EPHA8: variants seen among roughly 807,000 people sequenced by gnomAD.
EPHA8 encodes the protein EPH receptor A8.
In EPHA8, 58 loss-of-function variants were observed where a neutral mutation model predicts 103.6. That is an observed-to-expected ratio of 0.56 (90% CI 0.45 to 0.70). EPHA8 has a LOEUF of 0.70. EPHA8 is among the 30% of genes least tolerant of loss of function. The probability of loss-of-function intolerance (pLI) is 0.00; values close to 1 mark genes in which losing one functional copy is unlikely to be tolerated. For missense variants in EPHA8, 1,304 were observed against 1,395.2 expected, an observed-to-expected ratio of 0.93 and a Z score of 1.04; for synonymous variants, 559 against 572.5, an observed-to-expected ratio of 0.98 and a Z score of 0.34.
rs751791909 is a variant in EPHA8, at chr1:22,589,249, C to T, written c.1315+43C>T. The T allele has an allele frequency of 6.2e-7, 1 of 1,614,088 alleles. No individual in the cohort carries two copies. The highest frequency in any genetic ancestry group is 8.5e-7 in the Non-Finnish European group (1 of 1,180,034). ...GTCCCGCAGCGTCCTGGTCCCCCAG[C>T]TTCCCCTGCCTCAGACCCATCCAGG... On this transcript the variant is annotated intron_variant, in intron 5 of 16. Transcript: ENST00000166244. This position sits in a 1 kb window ranked among gnomAD's most constrained non-coding sequence, Gnocchi z 4.3.
At chr1:22,564,511 G>A (rs948220679) in intron 1 of EPHA8, among the ~76,000 whole-genome samples, 6 of 151,998 alleles carry the variant, frequency 3.9e-5, no homozygotes, top group African/African-American at 1.5e-4. Flanking sequence ...AGAAGGCTGG[G>A]ATGGCAGGGT....
intron 7 of EPHA8, 116 bp downstream of exon 7, chr1:22,593,802 T>A: frequency 4.8e-6 from 6 of 1,247,256 alleles, no homozygotes; most frequent in Non-Finnish European, 6.4e-6. Context: ...GCAGGATTTC[T>A]GCTCTCCTTG....
chr1:22,579,931 A>C (rs1220408844), intron 3 of EPHA8, among the ~76,000 whole-genome samples: 4 of 152,034 alleles, frequency 2.6e-5, no homozygotes, highest in African/African-American at 9.7e-5. Flanking sequence ...GCAGGCAGGC[A>C]GGAAAGGCCC....
At chr1:22,596,209 A>G (rs537449092) in intron 9 of EPHA8, 36 bp downstream of exon 9, 1 of 1,603,604 alleles carries the variant, frequency 6.2e-7, no homozygotes, top group Admixed American at 1.7e-5. Flanking sequence ...GGGCAGAGGG[A>G]AGGCCACAGG....
At chr1:22,587,200 C>T (rs1016756365) in intron 4 of EPHA8, among the ~76,000 whole-genome samples, 13 of 152,204 alleles carry the variant, frequency 8.5e-5, no homozygotes, top group African/African-American at 1.7e-4. Flanking sequence ...CTCTTACAGA[C>T]GACGCCTGTA....
chr1:22,586,363 T>TGCACCTCCATCCCTCTGGG, intron 3 of EPHA8, 117 bp from the exon 4 acceptor site: 1 of 1,259,496 alleles, frequency 7.9e-7, no homozygotes, highest in South Asian at 1.4e-5. Flanking sequence ...TGTGAAGGTC[T>TGCACCTCCATCCCTCTGGG]GCACCTCCAT....
In EPHA8 at chr1:22,597,207, C is replaced by T; in HGVS notation, c.1766-105C>T. 1 of 955,880 alleles carries T rather than the reference C, an allele frequency of 1.0e-6. No individual in the cohort carries two copies. Among genetic ancestry groups the T allele is most frequent in the South Asian group, 1.9e-5 (1 of 53,670 alleles). The allele number at this position is 955,880 out of a possible 1,614,324, so 59.2% of individuals were successfully genotyped here. A position where few individuals can be genotyped will look rare whatever the true frequency, so the allele number is the denominator to read the frequency against. On this transcript the variant is annotated intron_variant, in intron 9 of 16. Coordinates refer to ENST00000166244, the MANE Select transcript of EPHA8 (RefSeq NM_020526.5). This position sits in a 1 kb window ranked among gnomAD's most constrained non-coding sequence, Gnocchi z 4.6. Reference sequence around the variant, plus strand: ...GTTTGCTACCACATCCAGAGACTCCCAGAGACACCCCTCACCCCACCCCAG... The same window carrying T: ...GTTTGCTACCACATCCAGAGACTCCTAGAGACACCCCTCACCCCACCCCAG...
chr1:22,586,348 G>T lies in EPHA8; in HGVS notation c.824-132G>T. 16 of 1,067,882 alleles carry T rather than the reference G, an allele frequency of 1.5e-5. No individual in the cohort carries two copies. In the South Asian group the frequency reaches 2.4e-4, roughly 16 times the overall value. The allele number at this position is 1,067,882 out of a possible 1,614,324, so 66.2% of individuals were successfully genotyped here. The stretch of plus-strand genomic sequence containing the variant: ...CCCTCTGCAAATGAGGGCAGCACTG[G>T]GCAGTGTGAAGGTCTGCACCTCCAT... On this transcript the variant is annotated intron_variant, in intron 3 of 16. Coordinates refer to ENST00000166244, the MANE Select transcript of EPHA8 (RefSeq NM_020526.5).
chr1:22,601,183 C>G lies in EPHA8; in HGVS notation c.2729+95C>G. 7 of 1,527,576 alleles carry G rather than the reference C, an allele frequency of 4.6e-6. No individual in the cohort carries two copies. In the South Asian group the frequency reaches 9.1e-5, roughly 20 times the overall value. The allele number at this position is 1,527,576 out of a possible 1,614,324, so 94.6% of individuals were successfully genotyped here. Reference sequence around the variant, plus strand: ...GACAGTTTGGCCCTGACACTAGGACCAGGCCCAGCCTGGGCCCCCGGCCCC... The same window carrying G: ...GACAGTTTGGCCCTGACACTAGGACGAGGCCCAGCCTGGGCCCCCGGCCCC... On this transcript the variant is annotated intron_variant, in intron 15 of 16. Coordinates refer to ENST00000166244, the MANE Select transcript of EPHA8 (RefSeq NM_020526.5).
At chr1:22,601,494 G>A in intron 16 of EPHA8, 21 bp downstream of exon 16, 5 of 1,608,896 alleles carry the variant, frequency 3.1e-6, no homozygotes, top group Non-Finnish European at 4.2e-6. Flanking sequence ...GGTGGGGCTG[G>A]GGCCCCATGC....
Position 22,576,525 on chromosome 1 carries a change from T to C in EPHA8, c.468T>C (p.Gly156=). The change falls in exon 3 of 17, where the codon GGT becomes GGC. Residue 156 remains glycine (G), a synonymous_variant. Coordinates refer to ENST00000166244, the MANE Select transcript of EPHA8 (RefSeq NM_020526.5). The surrounding 1 kb of genome is among the most constrained non-coding windows in gnomAD (Gnocchi z 4.8). ...TTGCGGCCGACGAGAGCTTCACAGGTGCCGACCTTGGTGTGCGGCGTCTCA... is the reference window on the plus strand; with the variant it reads ...TTGCGGCCGACGAGAGCTTCACAGGCGCCGACCTTGGTGTGCGGCGTCTCA... ...DTIAADESFT[G]ADLGVRRLKL... 2 of 1,614,142 alleles carry C rather than the reference T, an allele frequency of 1.2e-6. No homozygotes were observed. The highest frequency in any genetic ancestry group is 1.7e-6 in the Non-Finnish European group (2 of 1,180,032).
At position 22,581,648 on chromosome 1, in the gene EPHA8, C is replaced by T. The variant is rs1307186135; in HGVS notation, c.823+4768C>T. Among the ~76,000 whole-genome samples the T allele has an allele frequency of 3.9e-5, 6 of 152,322 alleles. No individual in the cohort carries two copies. The South Asian group carries it at 1.2e-3, about 32-fold the overall frequency. On this transcript the variant is annotated intron_variant, in intron 3 of 16. Coordinates refer to ENST00000166244, the MANE Select transcript of EPHA8 (RefSeq NM_020526.5). ...CGGGGGCTGGGAGAGGCCAAGGCCACTCCTATTTCCTGGCACTGCTGCCAC... is the reference window on the plus strand; with the variant it reads ...CGGGGGCTGGGAGAGGCCAAGGCCATTCCTATTTCCTGGCACTGCTGCCAC...
In EPHA8 at chr1:22,598,943, GCCGC is replaced by G; in HGVS notation, c.2289_2292del (p.Arg764ThrfsTer78). 3 of 1,612,578 alleles carry G rather than the reference GCCGC, an allele frequency of 1.9e-6. No homozygotes were observed. Among genetic ancestry groups the G allele is most frequent in the Non-Finnish European group, 2.5e-6 (3 of 1,179,846 alleles). ...CCTGGGCTATGTCCACCGAGACCTG[GCCGC>G]CCGCAACGTCCTGGTTGACAGCAAC... On this transcript the variant is annotated frameshift_variant, in exon 13 of 17. Coordinates refer to ENST00000166244, the MANE Select transcript of EPHA8 (RefSeq NM_020526.5). LOFTEE classifies it high-confidence loss of function. This position sits in a 1 kb window ranked among gnomAD's most constrained non-coding sequence, Gnocchi z 5.1.
intron 3 of EPHA8, among the ~76,000 whole-genome samples, chr1:22,579,680 C>G (rs891885501): frequency 4.6e-5 from 7 of 152,120 alleles, no homozygotes; most frequent in Admixed American, 4.6e-4. Context: ...CTCAGCCCCC[C>G]GGGCACAGTG....
chr1:22,601,710 CCAG>C lies in EPHA8; in HGVS notation c.2990_2992del (p.Ser997del). 7 of 1,572,342 alleles carry C rather than the reference CCAG, an allele frequency of 4.5e-6. No individual in the cohort carries two copies. Reference sequence around the variant, plus strand: ...ATTCAGACCATGCGGGCCCAGCTGACCAGCACCCAGGGGCCCCGCCGGCACCTC... The same window carrying C: ...ATTCAGACCATGCGGGCCCAGCTGACCACCCAGGGGCCCCGCCGGCACCTC... On this transcript the variant is annotated inframe_deletion, in exon 17 of 17. Transcript: ENST00000166244.
rs1641607048 is a variant in EPHA8, at chr1:22,599,104, G to A, written c.2388+57G>A. 4.6e-6 allele frequency: 7 copies of A among 1,527,800 alleles called. No homozygotes were observed. In the Admixed American group the frequency reaches 9.8e-5, roughly 21 times the overall value. 94.6% of individuals were successfully genotyped at this position (1,527,800 alleles called of 1,614,324 possible). A position where few individuals can be genotyped will look rare whatever the true frequency, so the allele number is the denominator to read the frequency against. ...GGGGAGTGGGGAGATGGCGCCGGTG[G>A]CACCCAGGGCCCAACCATTCTGCAA... On this transcript the variant is annotated intron_variant, in intron 13 of 16. Transcript: ENST00000166244.
chr1:22,597,804 A>G lies in EPHA8; in HGVS notation c.2059A>G (p.Ile687Val). 1 of 1,613,138 alleles carries G rather than the reference A, an allele frequency of 6.2e-7. No homozygotes were observed. Reference protein sequence around the residue: ...QRRDFLSEASIMGQFDHPNII... With the variant: ...QRRDFLSEASVMGQFDHPNII... ...GCGGGACTTCCTGAGCGAGGCGTCC[A>G]TCATGGGGCAATTCGACCATCCCAA... is the stretch of plus-strand genomic sequence containing the variant. The change falls in exon 11 of 17, where the codon ATC becomes GTC. Residue 687 changes from isoleucine (I) to valine (V), a missense_variant. Coordinates refer to ENST00000166244, the MANE Select transcript of EPHA8 (RefSeq NM_020526.5). The surrounding 1 kb of genome is among the most constrained non-coding windows in gnomAD (Gnocchi z 4.6).
intron 5 of EPHA8, among the ~76,000 whole-genome samples, chr1:22,592,672 G>A (rs889448960): frequency 9.9e-5 from 15 of 152,182 alleles, no homozygotes; most frequent in Non-Finnish European, 1.5e-4. Context: ...GGTGAGCAGA[G>A]GGGAGGAGGA....
intron 7 of EPHA8, 102 bp downstream of exon 7, chr1:22,593,788 C>CA (rs1389854704): frequency 8.2e-6 from 11 of 1,337,474 alleles, no homozygotes; most frequent in Admixed American, 3.0e-5. Context: ...GAGCCAGTGC[C>CA]AATGCAGGAT....
Sources: allele counts gnomAD v4.1 joint callset (sites outside exome capture counted in the v4.1 genomes callset), GRCh38; gene constraint gnomAD v4.1.1; non-coding constraint Gnocchi (gnomAD v3.1); transcripts MANE v1.5; gene names NCBI Gene and HGNC (gene_info 2026-07-23, HGNC 2026-07-21).